Variants in TRA2B observed in about 807,000 individuals in gnomAD.
TRA2B encodes the protein transformer 2 beta homolog, also known as transformer-2 protein homolog beta.
Under a neutral mutation model 41.7 loss-of-function variants are expected in TRA2B, and 14 were observed. The ratio of observed to expected loss-of-function variants is 0.34; its 90% CI spans 0.22 to 0.53. The LOEUF (loss-of-function observed/expected upper bound fraction) is 0.53, where lower values mean the gene tolerates loss of function less well. Ranked by LOEUF, TRA2B falls within the 20% of genes least tolerant of loss-of-function variation. The pLI is 0.95. For synonymous variants in TRA2B, 130 were observed against 128.8 expected (o/e 1.01, Z -0.06); for missense variants, 167 against 396.8 (o/e 0.42, Z 4.92).
chr3:185,937,887 T>C lies in TRA2B; in HGVS notation c.-27A>G. ...ACTCCTGGCTGCTGTCGCCGGTCGATGTGCTTCAATCGAAGCTGCCAACCT... is the reference window on the plus strand; with the variant it reads ...ACTCCTGGCTGCTGTCGCCGGTCGACGTGCTTCAATCGAAGCTGCCAACCT... On this transcript the variant is annotated 5_prime_UTR_variant, in exon 1 of 9. Transcript: ENST00000453386. 6.2e-7 allele frequency: 1 copy of C among 1,613,684 alleles called. No individual in the cohort carries two copies. Among genetic ancestry groups the C allele is most frequent in the Non-Finnish European group, 8.5e-7 (1 of 1,180,014 alleles).
intron 1 of TRA2B, among the ~76,000 whole-genome samples, chr3:185,929,702 C>CAGGTTTAAA (rs1389651776): frequency 6.6e-6 from 1 of 152,116 alleles, no homozygotes; most frequent in Admixed American, 6.5e-5. Flanking sequence ...AAGGACTAAC[C>CAGGTTTAAA]ATCCAATCCC....
Position 185,926,638 on chromosome 3 carries a change from G to A in TRA2B, c.133C>T (p.Arg45Cys), listed in dbSNP as rs1344578083. The A allele has an allele frequency of 1.2e-6, 2 of 1,614,092 alleles. No individual in the cohort carries two copies. The highest frequency in any genetic ancestry group is 1.7e-6 in the Non-Finnish European group (2 of 1,180,002). Reference sequence around the variant, plus strand: ...CGGGACCTGGACTTTGATCTGGAACGCCTGGAATCTTCCTTGGAGCGAGAC... The same window carrying A: ...CGGGACCTGGACTTTGATCTGGAACACCTGGAATCTTCCTTGGAGCGAGAC... ...ARSRSKEDSRRSRSKSRSRSE... is the reference protein window; with the variant it reads ...ARSRSKEDSRCSRSKSRSRSE... The change falls in exon 2 of 9, where the codon CGT becomes TGT. Residue 45 changes from arginine (R) to cysteine (C), a missense_variant. By Grantham distance (180) the Arg-to-Cys change is radical (BLOSUM62 -3). Transcript: ENST00000453386.
chr3:185,925,895 T>C (rs907242467), intron 2 of TRA2B, among the ~76,000 whole-genome samples: 1 of 152,172 alleles, frequency 6.6e-6, no homozygotes, highest in African/African-American at 2.4e-5. Context: ...CACGCAGCAT[T>C]TTACTAGCTT....
At chr3:185,926,960 G>T (rs925422464) in intron 1 of TRA2B, 2 of 472,646 alleles carry the variant, frequency 4.2e-6, no homozygotes, top group African/African-American at 2.0e-5. Context: ...AGGGATAAGA[G>T]TTATTTGACC....
At chr3:185,927,224 A>G (rs1047636840) in intron 1 of TRA2B, 4 of 152,300 alleles carry the variant, frequency 2.6e-5, no homozygotes, top group Non-Finnish European at 4.4e-5. Flanking sequence ...TAATTCAGTG[A>G]TAAGAGATAA....
intron 1 of TRA2B, chr3:185,937,077 G>A (rs1744391054): frequency 2.0e-6 from 2 of 985,346 alleles, no homozygotes; most frequent in Non-Finnish European, 2.4e-6. Flanking sequence ...TCATCTTAAC[G>A]ACTTTGTGGT....
At chr3:185,918,040 T>C (rs1392962937) in intron 8 of TRA2B, among the ~76,000 whole-genome samples, 1 of 152,074 alleles carries the variant, frequency 6.6e-6, no homozygotes, top group Non-Finnish European at 1.5e-5. Context: ...CATTATTTAC[T>C]GTTTCAATTA....
chr3:185,918,601 A>G (rs1020496440), intron 7 of TRA2B, among the ~76,000 whole-genome samples, 163 bp from the exon 8 acceptor site: 3 of 152,266 alleles, frequency 2.0e-5, no homozygotes, highest in Non-Finnish European at 4.4e-5. Context: ...GCACATTATC[A>G]GGCCCAAGTG....
At chr3:185,920,566 T>G (rs1050226246) in intron 6 of TRA2B, among the ~76,000 whole-genome samples, 1 of 148,516 alleles carries the variant, frequency 6.7e-6, no homozygotes, top group African/African-American at 2.5e-5. Context: ...CATTTATTTA[T>G]TTTTTTTTTT....
intron 1 of TRA2B, chr3:185,937,388 T>G (rs1435288710): frequency 2.0e-6 from 2 of 1,001,476 alleles, no homozygotes; most frequent in South Asian, 4.2e-5. Flanking sequence ...CGCGGCCCGC[T>G]GCGGGTCGGG....
At position 185,921,621 on chromosome 3, in the gene TRA2B, G is replaced by A. The variant is rs570300032; in HGVS notation, c.638+390C>T. Reference sequence around the variant, plus strand: ...CTACTAAAAATGCAAAAAATTAGCCGGACGTTGCGACACGCGCCTGTAGTC... The same window carrying A: ...CTACTAAAAATGCAAAAAATTAGCCAGACGTTGCGACACGCGCCTGTAGTC... On this transcript the variant is annotated intron_variant, in intron 5 of 8. Coordinates refer to ENST00000453386, the MANE Select transcript of TRA2B (RefSeq NM_004593.3). Among the ~76,000 whole-genome samples, 11 of 152,176 alleles carry A rather than the reference G, an allele frequency of 7.2e-5. No homozygotes were observed. In the South Asian group the frequency reaches 1.0e-3, roughly 14 times the overall value.
At chr3:185,930,115 T>G (rs144187486) in intron 1 of TRA2B, among the ~76,000 whole-genome samples, 277 of 152,324 alleles carry the variant, frequency 1.8e-3, no homozygotes, top group African/African-American at 5.9e-3. Flanking sequence ...TTTCTCACCT[T>G]AAGTCTATCC....
intron 7 of TRA2B, 23 bp downstream of exon 7, chr3:185,919,414 T>C (rs1743630197): frequency 1.2e-6 from 2 of 1,606,326 alleles, no homozygotes; most frequent in Non-Finnish European, 1.7e-6. Context: ...GTTGTACAGA[T>C]GCTAAGTCCT....
chr3:185,936,345 A>C (rs1744354579), intron 1 of TRA2B: 3 of 985,304 alleles, frequency 3.0e-6, no homozygotes, highest in South Asian at 4.7e-5. Flanking sequence ...CTTACCCAAG[A>C]AAGCAAGAAC....
intron 6 of TRA2B, 27 bp downstream of exon 6, chr3:185,921,077 C>T (rs375713770): frequency 8.8e-6 from 14 of 1,597,588 alleles, no homozygotes; most frequent in South Asian, 2.2e-5. Context: ...GAGATTCAGA[C>T]GTTGACCTTT....
At position 185,937,815 on chromosome 3, in the gene TRA2B, C is replaced by G; in HGVS notation, c.36+10G>C. 6.2e-7 allele frequency: 1 copy of G among 1,614,126 alleles called. No homozygotes were observed. Among genetic ancestry groups the G allele is most frequent in the Non-Finnish European group, 8.5e-7 (1 of 1,180,044 alleles). ...ACCACACAGCCACCCCCTACCGCAG[C>G]TCTACGTACCCGCTCGCCGTAGTTC... On this transcript the variant is annotated intron_variant, in intron 1 of 8. Transcript: ENST00000453386.
At chr3:185,935,624 C>G (rs1744319978) in intron 1 of TRA2B, 1 of 985,278 alleles carries the variant, frequency 1.0e-6, no homozygotes, top group Admixed American at 6.1e-5. Flanking sequence ...AGACCCAGTT[C>G]AGAAGCCTGG....
intron 1 of TRA2B, chr3:185,936,676 GTTTT>G (rs35441764): frequency 4.8e-6 from 4 of 825,820 alleles, no homozygotes; most frequent in South Asian, 5.7e-5. Flanking sequence ...GTAACAAATT[GTTTT>G]TTTTTTTTAA....
chr3:185,922,166 A>G (rs1177805186), intron 4 of TRA2B, 40 bp from the exon 5 acceptor site: 5 of 1,472,532 alleles, frequency 3.4e-6, no homozygotes, highest in Non-Finnish European at 4.7e-6. Context: ...ATCCTGAACA[A>G]AGCCACTAAT....
Sources: gnomAD v4.1 joint callset for allele counts (sites outside exome capture counted in the v4.1 genomes callset) on GRCh38, gnomAD v4.1.1 for gene constraint, MANE v1.5 for transcripts, NCBI Gene and HGNC (gene_info 2026-07-23, HGNC 2026-07-21) for gene names.